The following H6PD variants were observed in gnomAD, a reference collection of about 807,000 sequenced individuals.
H6PD encodes hexose-6-phosphate dehydrogenase/glucose 1-dehydrogenase.
A neutral mutation model predicts 61.2 loss-of-function variants in H6PD; 48 were observed. The ratio of observed to expected loss-of-function variants is 0.78; its 90% CI spans 0.62 to 1.00. H6PD has a LOEUF of 1.00. H6PD is among the 50% of genes least tolerant of loss of function. H6PD has a pLI of 0.00. For synonymous variants in H6PD, 480 were observed against 457.9 expected (o/e 1.05, Z -0.62); for missense variants, 1,093 against 1,065.0 (o/e 1.03, Z -0.37).
chr1:9,267,029 A>C lies in H6PD; in HGVS notation c.*2160A>C, dbSNP rs1230630495. On this transcript the variant is annotated 3_prime_UTR_variant, in exon 5 of 5. Transcript: ENST00000377403. ...GAGACAGGGTTTCACCATGTTGCCC[A>C]GGCTGGTCTCGAACTCCTGAGCTCA... is the stretch of plus-strand genomic sequence containing the variant. 6.6e-6 allele frequency: 1 copy of C among 152,414 alleles called. No homozygotes were observed. The highest frequency in any genetic ancestry group is 1.5e-5 in the Non-Finnish European group (1 of 68,172). 9.4% of individuals were successfully genotyped at this position (152,414 alleles called of 1,614,324 possible).
In H6PD at chr1:9,245,249, G is replaced by A; in HGVS notation, c.315G>A (p.Leu105=). 17 of 1,614,200 alleles carry A rather than the reference G, an allele frequency of 1.1e-5. 1 individual carries two copies. The highest frequency in any genetic ancestry group is 1.4e-5 in the Non-Finnish European group (17 of 1,180,036). ...CAEHKDQFLQ[L]SQYRQLKTAE... ...AGCACAAGGATCAGTTCCTGCAGCT[G>A]AGCCAGTACCGCCAACTGAAGACGG... is the stretch of plus-strand genomic sequence containing the variant. The change falls in exon 2 of 5, where the codon CTG becomes CTA. Residue 105 remains leucine, a synonymous_variant. Transcript: ENST00000377403. This position sits in a 1 kb window ranked among gnomAD's most constrained non-coding sequence, Gnocchi z 4.8.
At chr1:9,246,844 G>A (rs145505904) in intron 2 of H6PD, 122 bp from the exon 3 acceptor site, 1 of 789,074 alleles carries the variant, frequency 1.3e-6, no homozygotes, top group Non-Finnish European at 2.3e-6. Context: ...CAGAACTACT[G>A]CTCAGAGGGC....
intron 3 of H6PD, among the ~76,000 whole-genome samples, chr1:9,253,816 A>T (rs1641438790): frequency 6.6e-6 from 1 of 152,230 alleles, no homozygotes; most frequent in Admixed American, 6.5e-5. Flanking sequence ...TTCAAATGGG[A>T]ACAGTGCTCT....
Position 9,245,676 on chromosome 1 carries a change from G to A in H6PD, c.627+115G>A, listed in dbSNP as rs2100330848. 1 of 1,048,992 alleles carries A rather than the reference G, an allele frequency of 9.5e-7. No individual in the cohort carries two copies. Among genetic ancestry groups the A allele is most frequent in the East Asian group, 2.5e-5 (1 of 39,244 alleles). 65.0% of individuals were successfully genotyped at this position (1,048,992 alleles called of 1,614,324 possible). On this transcript the variant is annotated intron_variant, in intron 2 of 4. Transcript: ENST00000377403. This position sits in a 1 kb window ranked among gnomAD's most constrained non-coding sequence, Gnocchi z 4.8. ...GGCCCCAAGGCATTGTGAACTCAGA[G>A]CTCCCATGGTCTCCTTGAAGGTGGG...
chr1:9,253,537 T>C (rs897313310), intron 3 of H6PD, among the ~76,000 whole-genome samples: 1 of 152,256 alleles, frequency 6.6e-6, no homozygotes, highest in East Asian at 1.9e-4. Flanking sequence ...TTATCCTTAA[T>C]AGGGTGACAT....
intron 1 of H6PD, among the ~76,000 whole-genome samples, chr1:9,244,581 G>A (rs1214093619): frequency 6.6e-6 from 1 of 152,204 alleles, no homozygotes; most frequent in African/African-American, 2.4e-5. Context: ...GAAGAGACTG[G>A]CCTTGGTCAT....
rs534841221 is a variant in H6PD at position 9,265,320 on chromosome 1, G to T, written c.*451G>T. The T allele has an allele frequency of 5.5e-4, 183 of 330,730 alleles. No individual in the cohort carries two copies. Among genetic ancestry groups the T allele is most frequent in the African/African-American group, 3.6e-3 (168 of 46,586 alleles). 20.5% of individuals were successfully genotyped at this position (330,730 alleles called of 1,614,324 possible). A position where few individuals can be genotyped will look rare whatever the true frequency, so the allele number is the denominator to read the frequency against. ...TCAGAGCATGATTGGTAGACAGAAG[G>T]GTGCAGAGGCGCCCAGGGGAGTACA... On this transcript the variant is annotated 3_prime_UTR_variant, in exon 5 of 5. Coordinates refer to ENST00000377403, the MANE Select transcript of H6PD (RefSeq NM_004285.4).
rs747825562 is a variant in H6PD at position 9,262,227 on chromosome 1, G to A, written c.914G>A (p.Arg305Lys). The change falls in exon 4 of 5, where the codon AGG (arginine) becomes AAG (lysine). Residue 305 changes from arginine (R) to lysine (K), a missense_variant. Coordinates refer to ENST00000377403, the MANE Select transcript of H6PD (RefSeq NM_004285.4). ...TTCCAGGCGCTGCGGGGCCTGCAGA[G>A]GGGCAGTGCCGTCGTGGGCCAGTAC... is the stretch of plus-strand genomic sequence containing the variant. ...QVFQALRGLQ[R>K]GSAVVGQYQS... 3.1e-6 allele frequency: 5 copies of A among 1,613,800 alleles called. No individual in the cohort carries two copies. Among genetic ancestry groups the A allele is most frequent in the Middle Eastern group, 1.7e-4 (1 of 6,054 alleles).
At chr1:9,252,808 A>G (rs974106434) in intron 3 of H6PD, among the ~76,000 whole-genome samples, 1 of 152,166 alleles carries the variant, frequency 6.6e-6, no homozygotes, top group African/African-American at 2.4e-5. Context: ...GCTGGCGGGC[A>G]CAGCCATGGC....
rs182118763 is a variant in H6PD at position 9,251,634 on chromosome 1, C to T, written c.745+4551C>T. 2.0e-5 allele frequency among the ~76,000 whole-genome samples: 3 copies of T among 152,224 alleles called. No homozygotes were observed. In the East Asian group the frequency reaches 5.8e-4, roughly 29 times the overall value. ...GGCATCCAGGGTCCTTCCAGGCACA[C>T]ACCAGCTGTCCCGCCTTCCAGCCTG... On this transcript the variant is annotated intron_variant, in intron 3 of 4. Coordinates refer to ENST00000377403, the MANE Select transcript of H6PD (RefSeq NM_004285.4).
At chr1:9,260,622 T>TA (rs1331851287) in intron 3 of H6PD, among the ~76,000 whole-genome samples, 2 of 152,154 alleles carry the variant, frequency 1.3e-5, no homozygotes, top group Non-Finnish European at 2.9e-5. Context: ...GTTGTTATGT[T>TA]ACGCCAATGT....
At chr1:9,236,226 G>C (rs1217394259) in intron 1 of H6PD, among the ~76,000 whole-genome samples, 1 of 152,154 alleles carries the variant, frequency 6.6e-6, no homozygotes, top group African/African-American at 2.4e-5. Flanking sequence ...GCTGACCTCA[G>C]GTGATCCACC....
Position 9,245,113 on chromosome 1 carries a change from T to A in H6PD, c.179T>A (p.Phe60Tyr), listed in dbSNP as rs975750869. 1 of 1,614,070 alleles carries A rather than the reference T, an allele frequency of 6.2e-7. No homozygotes were observed. Reference sequence around the variant, plus strand: ...GATGAAGCGGGGAGGGGTCACAGTTTTAGCTTCCATGGAGCTGCTCTGACA... The same window carrying A: ...GATGAAGCGGGGAGGGGTCACAGTTATAGCTTCCATGGAGCTGCTCTGACA... ...YLDEAGRGHSFSFHGAALTAP... is the reference protein window; with the variant it reads ...YLDEAGRGHSYSFHGAALTAP... Residue 60 changes from phenylalanine (F) to tyrosine (Y), a missense_variant, in exon 2 of 5, where the codon TTT becomes TAT. Transcript: ENST00000377403. The surrounding 1 kb of genome is among the most constrained non-coding windows in gnomAD (Gnocchi z 4.8).
At chr1:9,259,223 C>T (rs534095605) in intron 3 of H6PD, among the ~76,000 whole-genome samples, 18 of 152,180 alleles carry the variant, frequency 1.2e-4, no homozygotes, top group South Asian at 1.0e-3. Flanking sequence ...CTCCTGACCT[C>T]GTGATCCGCC....
Position 9,270,212 on chromosome 1 carries a change from T to C in H6PD, c.*5343T>C, listed in dbSNP as rs973835742. 1 of 152,696 alleles carries C rather than the reference T, an allele frequency of 6.5e-6. No individual in the cohort carries two copies. The highest frequency in any genetic ancestry group is 1.5e-5 in the Non-Finnish European group (1 of 68,060). 9.5% of individuals were successfully genotyped at this position (152,696 alleles called of 1,614,324 possible). ...CTGATCTTTAAAACCCTCGCCTTGC[T>C]GACAGGTGCTTTAAAGGCAGTCTGC... On this transcript the variant is annotated 3_prime_UTR_variant, in exon 5 of 5. Transcript: ENST00000377403.
chr1:9,241,148 G>A (rs1201334101), intron 1 of H6PD, among the ~76,000 whole-genome samples: 1 of 152,156 alleles, frequency 6.6e-6, no homozygotes, highest in East Asian at 1.9e-4. Context: ...TTTTTCCTGA[G>A]AGCAATGGTA....
intron 1 of H6PD, among the ~76,000 whole-genome samples, chr1:9,238,761 G>C (rs577587031): frequency 6.6e-6 from 1 of 152,230 alleles, no homozygotes; most frequent in East Asian, 1.9e-4. Flanking sequence ...GGAAGTTCGG[G>C]CTGTAAATAA....
In H6PD at chr1:9,267,177, C is replaced by G. The variant is rs1638594602; in HGVS notation, c.*2308C>G. 6.6e-6 allele frequency: 1 copy of G among 152,298 alleles called. No individual in the cohort carries two copies. The allele number at this position is 152,298 out of a possible 1,614,324, so 9.4% of individuals were successfully genotyped here. A position where few individuals can be genotyped will look rare whatever the true frequency, so the allele number is the denominator to read the frequency against. On this transcript the variant is annotated 3_prime_UTR_variant, in exon 5 of 5. Transcript: ENST00000377403. ...CTCGTTAGGACAGAACCACGGTGCC[C>G]AGAGCCAGGAAGCCGCCCTCCTGGC...
rs889604811 is a variant in H6PD, at chr1:9,264,704, C to A, written c.2211C>A (p.Asn737Lys). 7 of 1,613,310 alleles carry A rather than the reference C, an allele frequency of 4.3e-6. No homozygotes were observed. Among genetic ancestry groups the A allele is most frequent in the Non-Finnish European group, 5.9e-6 (7 of 1,180,028 alleles). The change falls in exon 5 of 5, where the codon AAC becomes AAA. Residue 737 changes from asparagine to lysine, a missense_variant. Asn to Lys is a moderately conservative substitution (Grantham distance 94, BLOSUM62 0). Coordinates refer to ENST00000377403, the MANE Select transcript of H6PD (RefSeq NM_004285.4). ...RRMSLSLPLINRAKKVAVLVM... is the reference protein window; with the variant it reads ...RRMSLSLPLIKRAKKVAVLVM... ...TGAGCCTTAGCCTGCCTCTCATCAA[C>A]CGCGCCAAGAAGGTGGCAGTCCTGG... is the stretch of plus-strand genomic sequence containing the variant.
Sources: gnomAD v4.1 joint callset for allele counts (sites outside exome capture counted in the v4.1 genomes callset) on GRCh38, gnomAD v4.1.1 for gene constraint, Gnocchi (gnomAD v3.1) non-coding constraint, MANE v1.5 for transcripts, NCBI Gene and HGNC (gene_info 2026-07-23, HGNC 2026-07-21) for gene names.